Variants in PPP1R12A observed in about 807,000 individuals in gnomAD.
PPP1R12A encodes myosin binding subunit.
A neutral mutation model predicts 139.6 loss-of-function variants in PPP1R12A; 19 were observed. The observed-to-expected ratio is 0.14, with a 90% CI of 0.09 to 0.20. The LOEUF is 0.20. PPP1R12A is among the 10% of genes least tolerant of loss of function. PPP1R12A has a pLI of 1.00. For missense variants in PPP1R12A, 925 were observed against 1,211.5 expected, an observed-to-expected ratio of 0.76 and a Z score of 3.51; for synonymous variants, 427 against 420.6, an observed-to-expected ratio of 1.02 and a Z score of -0.19.
intron 14 of PPP1R12A, among the ~76,000 whole-genome samples, chr12:79,800,329 C>T (rs898340293): frequency 1.3e-5 from 2 of 152,084 alleles, no homozygotes; most frequent in Non-Finnish European, 2.9e-5. Flanking sequence ...AGTGTGAAGA[C>T]GAAGAGAATT....
In PPP1R12A at chr12:79,806,213, A is replaced by T. The variant is rs1873812747; in HGVS notation, c.1776T>A (p.Thr592=). 3 of 1,614,008 alleles carry T rather than the reference A, an allele frequency of 1.9e-6. No individual in the cohort carries two copies. In the East Asian group the frequency reaches 6.7e-5, roughly 36 times the overall value. The change falls in exon 13 of 25, where the codon ACT becomes ACA. Residue 592 remains threonine, a synonymous_variant. Transcript: ENST00000450142. ...LQKSLLSSTS[T]TTKITTGSSS... is the part of the protein sequence containing the mutation. ...AAGAACCCGTTGTAATCTTTGTAGT[A>T]GTGCTTGTGCTGGAAAGCAGGCTTT... is the stretch of plus-strand genomic sequence containing the variant.
intron 19 of PPP1R12A, among the ~76,000 whole-genome samples, chr12:79,791,553 C>G (rs1444637881): frequency 2.0e-5 from 3 of 152,142 alleles, no homozygotes; most frequent in Non-Finnish European, 4.4e-5. Flanking sequence ...GTCTTGAACT[C>G]CTGGGCTCAA....
At chr12:79,800,859 G>C (rs1873041386) in intron 14 of PPP1R12A, among the ~76,000 whole-genome samples, 1 of 150,548 alleles carries the variant, frequency 6.6e-6, no homozygotes, top group African/African-American at 2.4e-5. Context: ...TCAGCCTCCC[G>C]AGTAGTTGAG....
At chr12:79,826,337 G>GTT (rs34658905) in intron 5 of PPP1R12A, among the ~76,000 whole-genome samples, 328 of 117,116 alleles carry the variant, frequency 2.8e-3, no homozygotes, top group Non-Finnish European at 3.9e-3. Context: ...ATTGTTTCGG[G>GTT]TTTTTTTTTT....
chr12:79,844,542 T>C (rs1434342588), intron 3 of PPP1R12A, among the ~76,000 whole-genome samples: 2 of 152,154 alleles, frequency 1.3e-5, no homozygotes, highest in African/African-American at 4.8e-5. Context: ...CAAAAATAAA[T>C]CACTTTATTT....
At chr12:79,869,536 C>T (rs192855512) in intron 2 of PPP1R12A, among the ~76,000 whole-genome samples, 2 of 152,298 alleles carry the variant, frequency 1.3e-5, no homozygotes, top group Admixed American at 1.3e-4. Context: ...GACCCTTATA[C>T]AAACTGCATC....
intron 2 of PPP1R12A, among the ~76,000 whole-genome samples, chr12:79,851,368 T>G (rs949534992): frequency 6.6e-6 from 1 of 152,240 alleles, no homozygotes; most frequent in African/African-American, 2.4e-5. Flanking sequence ...CAATGAAAGA[T>G]ACTGTGTAAC....
intron 14 of PPP1R12A, among the ~76,000 whole-genome samples, chr12:79,804,985 A>C (rs1873647019): frequency 6.6e-6 from 1 of 152,232 alleles, no homozygotes; most frequent in Admixed American, 6.5e-5. Context: ...AGAAGTGAGC[A>C]ATCTTTTAAA....
intron 9 of PPP1R12A, among the ~76,000 whole-genome samples, chr12:79,813,001 A>C (rs1874803732): frequency 6.6e-6 from 1 of 152,140 alleles, no homozygotes; most frequent in Admixed American, 6.5e-5. Context: ...TTTTCTCAAT[A>C]AGCCTCTCAT....
intron 2 of PPP1R12A, among the ~76,000 whole-genome samples, chr12:79,868,932 CAT>C (rs1882277032): frequency 6.6e-6 from 1 of 152,104 alleles, no homozygotes; most frequent in African/African-American, 2.4e-5. Context: ...ATTTTTAAAA[CAT>C]GTTAATCAAA....
intron 3 of PPP1R12A, 62 bp from the exon 4 acceptor site, chr12:79,832,553 A>C: frequency 7.2e-7 from 1 of 1,397,952 alleles, no homozygotes; most frequent in East Asian, 2.4e-5. Context: ...TTGGGAAATA[A>C]AACTATCCAA....
chr12:79,919,431 T>C (rs1167734858), intron 1 of PPP1R12A, among the ~76,000 whole-genome samples: 2 of 151,830 alleles, frequency 1.3e-5, no homozygotes, highest in African/African-American at 4.8e-5. Context: ...GGTGCATGCC[T>C]GTAATCTCAG....
intron 24 of PPP1R12A, 119 bp downstream of exon 24, chr12:79,778,431 C>G (rs957236618): frequency 1.5e-5 from 10 of 655,094 alleles, no homozygotes; most frequent in African/African-American, 1.8e-5. Flanking sequence ...CAGATATAGA[C>G]AGTTCACAAA....
At chr12:79,848,888 C>T (rs1251815471) in intron 2 of PPP1R12A, 7 of 152,020 alleles carry the variant, frequency 4.6e-5, no homozygotes. Context: ...AACTTTTATG[C>T]TCTGCAGACT....
chr12:79,893,374 C>T (rs994555572), intron 1 of PPP1R12A, among the ~76,000 whole-genome samples: 3 of 152,158 alleles, frequency 2.0e-5, no homozygotes, highest in East Asian at 1.9e-4. Context: ...TAATTATCTA[C>T]TCGTATGTAC....
rs1403466258 is a variant in PPP1R12A, at chr12:79,793,910, C to G, written c.2602G>C (p.Glu868Gln). 5.0e-6 allele frequency: 8 copies of G among 1,591,606 alleles called. No individual in the cohort carries two copies. The Middle Eastern group carries it at 5.5e-4, about 109-fold the overall frequency. ...WTQDSDENEQ[E>Q]QQSDTEEGSN... ...CCCTCTTCTGTGTCTGATTGTTGTTCTTGTTCATTTTCATCACTCTAAAAA... is the reference window on the plus strand; with the variant it reads ...CCCTCTTCTGTGTCTGATTGTTGTTGTTGTTCATTTTCATCACTCTAAAAA... Residue 868 changes from glutamate (E) to glutamine (Q), a missense_variant, in exon 19 of 25, where the codon GAA (glutamate) becomes CAA (glutamine). Transcript: ENST00000450142.
chr12:79,854,161 C>A (rs1462541120), intron 2 of PPP1R12A, among the ~76,000 whole-genome samples: 1 of 151,996 alleles, frequency 6.6e-6, no homozygotes, highest in African/African-American at 2.4e-5. Flanking sequence ...AGAAGAAAAT[C>A]CCAAGCAAGC....
chr12:79,902,098 A>T (rs1013009305), intron 1 of PPP1R12A, among the ~76,000 whole-genome samples: 4 of 152,340 alleles, frequency 2.6e-5, no homozygotes, highest in Non-Finnish European at 4.4e-5. Flanking sequence ...CTTGTTAAAG[A>T]TTTGAGATCT....
chr12:79,875,465 T>C lies in PPP1R12A; in HGVS notation c.238-2527A>G, dbSNP rs148601307. On this transcript the variant is annotated intron_variant, in intron 1 of 24. Coordinates refer to ENST00000450142, the MANE Select transcript of PPP1R12A (RefSeq NM_002480.3). ...AGAGGGCAAGTGGCCTCTTTTTTTC[T>C]AATGTGGGTAAAACCCAGTAAATGA... 2.6e-3 allele frequency among the ~76,000 whole-genome samples: 395 copies of C among 152,332 alleles called. 1 individual carries two copies. Among genetic ancestry groups the C allele is most frequent in the African/African-American group, 8.7e-3 (362 of 41,566 alleles).
Sources: allele counts gnomAD v4.1 joint callset (sites outside exome capture counted in the v4.1 genomes callset), GRCh38; gene constraint gnomAD v4.1.1; transcripts MANE v1.5; gene names NCBI Gene and HGNC (gene_info 2026-07-23, HGNC 2026-07-21).